Variants in GPHN observed in about 807,000 individuals in gnomAD.
The protein encoded by GPHN is gephyrin.
Under a neutral mutation model 95.5 loss-of-function variants are expected in GPHN, and 17 were observed. The observed-to-expected ratio is 0.18, with a 90% CI of 0.12 to 0.27. GPHN has a LOEUF of 0.27. Among genes scored for constraint, GPHN ranks in the 10% least tolerant of loss-of-function variants. GPHN has a pLI of 1.00. For missense variants in GPHN, 660 were observed against 978.1 expected (o/e 0.67, Z 4.34); for synonymous variants, 320 against 322.5 (o/e 0.99, Z 0.08).
chr14:67,367,046 G>A, the GPHN span, among the ~76,000 whole-genome samples: 3 of 152,198 alleles, frequency 2.0e-5, no homozygotes, highest in South Asian at 6.2e-4. Flanking sequence ...CACAAAGGGA[G>A]ATCCCCTAAG....
the GPHN span, among the ~76,000 whole-genome samples, chr14:67,699,096 C>CA: frequency 6.6e-6 from 1 of 151,702 alleles, no homozygotes; most frequent in South Asian, 2.1e-4. Flanking sequence ...ACTAAAAATA[C>CA]AAAAAAATTA....
At chr14:67,120,135 A>C in intron 16 of GPHN, among the ~76,000 whole-genome samples, 1 of 152,004 alleles carries the variant, frequency 6.6e-6, no homozygotes, top group Non-Finnish European at 1.5e-5. Context: ...CAAAAAAAAA[A>C]AAAAAGAGGT....
At chr14:67,703,533 T>A in the GPHN span, among the ~76,000 whole-genome samples, 1 of 152,000 alleles carries the variant, frequency 6.6e-6, no homozygotes, top group Non-Finnish European at 1.5e-5. Context: ...TATATAGAGG[T>A]AGACAGAGAA....
chr14:67,107,504 G>A (rs1046550844), intron 13 of GPHN, among the ~76,000 whole-genome samples: 1 of 152,168 alleles, frequency 6.6e-6, no homozygotes, highest in African/African-American at 2.4e-5. Context: ...TCATGGGTAG[G>A]GTGTAGTACT....
At position 66,899,161 on chromosome 14, in the gene GPHN, T is replaced by C. The variant is rs1163763840; in HGVS notation, c.390-16842T>C. ...TGTTTTTTGTTTTGTTTGTTGTTTGTTTTGTTTTATTCTTTGGGATTTTCT... is the reference window on the plus strand; with the variant it reads ...TGTTTTTTGTTTTGTTTGTTGTTTGCTTTGTTTTATTCTTTGGGATTTTCT... On this transcript the variant is annotated intron_variant, in intron 5 of 22. Coordinates refer to ENST00000478722, the MANE Select transcript of GPHN (RefSeq NM_020806.5). Among the ~76,000 whole-genome samples, 4 of 151,574 alleles carry C rather than the reference T, an allele frequency of 2.6e-5. No homozygotes were observed. In the South Asian group the frequency reaches 8.3e-4, roughly 31 times the overall value.
At chr14:67,725,006 GAATGCTCTGTCCCCCAGTCCC>G in the GPHN span, 2 of 1,396,372 alleles carry the variant, frequency 1.4e-6, no homozygotes, top group Non-Finnish European at 2.0e-6. Context: ...CTGGGAGAAT[GAATGCTCTGTCCCCCAGTCCC>G]AAGCTCACTT....
chr14:67,308,262 T>A, the GPHN span, among the ~76,000 whole-genome samples: 1 of 148,874 alleles, frequency 6.7e-6, no homozygotes. Flanking sequence ...GTGTAAAAAG[T>A]ATAAAAGCCA....
the GPHN span, among the ~76,000 whole-genome samples, chr14:67,283,340 T>C: frequency 6.6e-6 from 1 of 152,208 alleles, no homozygotes; most frequent in Non-Finnish European, 1.5e-5. Context: ...AAATAGCTCT[T>C]TCAGATTTCA....
the GPHN span, among the ~76,000 whole-genome samples, chr14:67,654,149 C>G: frequency 6.6e-6 from 1 of 152,212 alleles, no homozygotes; most frequent in Admixed American, 6.5e-5. Flanking sequence ...CTCCGTCACT[C>G]AGGCTGGAGT....
chr14:67,577,602 C>T, the GPHN span, among the ~76,000 whole-genome samples: 2 of 152,306 alleles, frequency 1.3e-5, no homozygotes, highest in South Asian at 2.1e-4. Context: ...AGCTCTGGAA[C>T]GTCATGCACA....
intron 10 of GPHN, among the ~76,000 whole-genome samples, chr14:67,033,956 A>G (rs185499751): frequency 4.6e-5 from 7 of 152,308 alleles, no homozygotes; most frequent in Non-Finnish European, 7.4e-5. Flanking sequence ...CCAGTGAGGA[A>G]TACTGCATCC....
the GPHN span, chr14:67,569,140 G>A: frequency 6.2e-7 from 1 of 1,609,670 alleles, no homozygotes; most frequent in South Asian, 1.1e-5. Context: ...TGTTTCAGGA[G>A]AGCCGGATCT....
At chr14:67,043,400 G>A (rs1418168788) in intron 10 of GPHN, among the ~76,000 whole-genome samples, 1 of 152,124 alleles carries the variant, frequency 6.6e-6, no homozygotes, top group Non-Finnish European at 1.5e-5. Flanking sequence ...TTTGAGATGT[G>A]TTCCATCAAT....
At chr14:66,517,270 ATAGTC>A (rs1315514415) in intron 1 of GPHN, among the ~76,000 whole-genome samples, 14 of 152,056 alleles carry the variant, frequency 9.2e-5, no homozygotes, top group Non-Finnish European at 1.8e-4. Context: ...CATTTTGATT[ATAGTC>A]TAAACTTTAA....
At chr14:67,608,424 G>A in the GPHN span, among the ~76,000 whole-genome samples, 87 of 152,210 alleles carry the variant, frequency 5.7e-4, no homozygotes, top group Admixed American at 1.9e-3. Flanking sequence ...ATGCAAACAC[G>A]ATGCCATTTT....
the GPHN span, chr14:67,582,088 G>A: frequency 1.2e-6 from 2 of 1,611,902 alleles, no homozygotes; most frequent in African/African-American, 1.3e-5. The surrounding 1 kb of genome is among the most constrained non-coding windows in gnomAD (Gnocchi z 5.0). Flanking sequence ...TCGCAGTCAA[G>A]TCAAAGGGGA....
At chr14:67,574,360 T>C in the GPHN span, 2 of 1,593,982 alleles carry the variant, frequency 1.3e-6, no homozygotes, top group African/African-American at 1.3e-5. This position sits in a 1 kb window ranked among gnomAD's most constrained non-coding sequence, Gnocchi z 4.2. Context: ...CCAGCTCTGC[T>C]TCGGGGTGGC....
intron 11 of GPHN, among the ~76,000 whole-genome samples, chr14:67,080,583 G>GTTGT (rs1178063220): frequency 6.6e-6 from 1 of 151,772 alleles, no homozygotes; most frequent in African/African-American, 2.4e-5. Flanking sequence ...AATTTTCTTT[G>GTTGT]TTGTTGTTTT....
At chr14:66,786,554 C>T (rs1373792782) in intron 3 of GPHN, among the ~76,000 whole-genome samples, 1 of 151,790 alleles carries the variant, frequency 6.6e-6, no homozygotes, top group Non-Finnish European at 1.5e-5. Flanking sequence ...AATGTTGATA[C>T]CAAAAACAGA....
Sources: gnomAD v4.1 joint callset for allele counts (sites outside exome capture counted in the v4.1 genomes callset) on GRCh38, gnomAD v4.1.1 for gene constraint, Gnocchi (gnomAD v3.1) non-coding constraint, MANE v1.5 for transcripts, NCBI Gene and HGNC (gene_info 2026-07-23, HGNC 2026-07-21) for gene names.